The following RAB23 variants were observed in gnomAD, a reference collection of about 807,000 sequenced individuals.
The protein encoded by RAB23 is RAB23, member RAS oncogene family.
Under a neutral mutation model 30.0 loss-of-function variants are expected in RAB23, and 15 were observed. The observed-to-expected ratio is 0.50, with a 90% CI of 0.33 to 0.77. RAB23 has a LOEUF of 0.77. RAB23 is among the 30% of genes least tolerant of loss of function. RAB23 has a pLI of 0.02. For synonymous variants in RAB23, 93 were observed against 94.0 expected, an observed-to-expected ratio of 0.99 and a Z score of 0.06; for missense variants, 243 against 275.4, an observed-to-expected ratio of 0.88 and a Z score of 0.83.
intron 5 of RAB23, among the ~76,000 whole-genome samples, 197 bp from the exon 6 acceptor site, chr6:57,194,131 T>C (rs1414565719): frequency 6.6e-6 from 1 of 152,126 alleles, no homozygotes; most frequent in Non-Finnish European, 1.5e-5. Flanking sequence ...AACAAATGTA[T>C]AATGGTATTT....
intron 3 of RAB23, 94 bp downstream of exon 3, chr6:57,207,534 G>A: frequency 1.2e-6 from 1 of 817,850 alleles, no homozygotes; most frequent in Admixed American, 2.0e-5. Flanking sequence ...TTCTTCAAGA[G>A]AAGCCCTTAT....
intron 3 of RAB23, among the ~76,000 whole-genome samples, chr6:57,201,732 G>A (rs954962796): frequency 3.3e-5 from 5 of 152,098 alleles, no homozygotes; most frequent in African/African-American, 1.2e-4. Flanking sequence ...AAAAAGAGTA[G>A]AAGGAAAAAG....
Position 57,196,370 on chromosome 6 carries a change from CCT to C in RAB23, c.398+78_398+79del. The C allele has an allele frequency of 5.2e-6, 8 of 1,527,762 alleles. No homozygotes were observed. The South Asian group carries it at 9.1e-5, about 17-fold the overall frequency. The allele number at this position is 1,527,762 out of a possible 1,614,324, so 94.6% of individuals were successfully genotyped here. A position where few individuals can be genotyped will look rare whatever the true frequency, so the allele number is the denominator to read the frequency against. On this transcript the variant is annotated intron_variant, in intron 4 of 6. Coordinates refer to ENST00000468148, the MANE Select transcript of RAB23 (RefSeq NM_016277.5). ...TGAAAGTATAGAATTTTTCCTAGAA[CCT>C]GTAAAACTATGCAAAAATTAAGATG... is the stretch of plus-strand genomic sequence containing the variant.
chr6:57,218,558 A>C (rs1765932331), intron 1 of RAB23, among the ~76,000 whole-genome samples: 1 of 152,124 alleles, frequency 6.6e-6, no homozygotes, highest in African/African-American at 2.4e-5. Flanking sequence ...AACCTGGTAA[A>C]AGGCATCTAT....
chr6:57,197,889 C>G (rs1364610357), intron 3 of RAB23, among the ~76,000 whole-genome samples: 1 of 152,140 alleles, frequency 6.6e-6, no homozygotes, highest in African/African-American at 2.4e-5. Context: ...ACAGGAGGAG[C>G]CTGCCATCAT....
rs528844604 is a variant in RAB23, at chr6:57,188,551, G to GTAT, written c.*1907_*1909dup. On this transcript the variant is annotated 3_prime_UTR_variant, in exon 7 of 7. Coordinates refer to ENST00000468148, the MANE Select transcript of RAB23 (RefSeq NM_016277.5). The stretch of plus-strand genomic sequence containing the variant: ...AAGACAAAAGACTATTTGTTGCAAA[G>GTAT]TATTATTTTGTGCAAAAATTAAAGA... 6 of 152,200 alleles carry GTAT rather than the reference G, an allele frequency of 3.9e-5. No homozygotes were observed. The East Asian group carries it at 9.6e-4, about 24-fold the overall frequency. The allele number at this position is 152,200 out of a possible 1,614,324, so 9.4% of individuals were successfully genotyped here. A position where few individuals can be genotyped will look rare whatever the true frequency, so the allele number is the denominator to read the frequency against.
chr6:57,187,380 A>G lies in RAB23; in HGVS notation c.*3081T>C, dbSNP rs1764641486. ...GTTAGCAAATGAATTCATCTGTATG[A>G]TGAGAGACTTACATGTTTTATAGCT... On this transcript the variant is annotated 3_prime_UTR_variant, in exon 7 of 7. Transcript: ENST00000468148. The G allele has an allele frequency of 6.6e-6, 1 of 152,172 alleles. No homozygotes were observed. Among genetic ancestry groups the G allele is most frequent in the African/African-American group, 2.4e-5 (1 of 41,450 alleles). The allele number at this position is 152,172 out of a possible 1,614,324, so 9.4% of individuals were successfully genotyped here.
At chr6:57,209,967 C>G (rs1254393719) in intron 2 of RAB23, among the ~76,000 whole-genome samples, 2 of 133,510 alleles carry the variant, frequency 1.5e-5, no homozygotes, top group Non-Finnish European at 3.2e-5. Flanking sequence ...AAGGTGTCAC[C>G]AATAAATATA....
chr6:57,206,717 A>G (rs1407867391), intron 3 of RAB23, among the ~76,000 whole-genome samples: 3 of 152,230 alleles, frequency 2.0e-5, no homozygotes, highest in Non-Finnish European at 2.9e-5. Context: ...GTGAGTATGC[A>G]GGGATATGGG....
intron 3 of RAB23, among the ~76,000 whole-genome samples, chr6:57,204,313 A>T (rs1429396959): frequency 6.6e-6 from 1 of 152,172 alleles, no homozygotes; most frequent in Non-Finnish European, 1.5e-5. Context: ...ACTGCTATTC[A>T]ATATATCTAT....
rs1442252169 is a variant in RAB23 at position 57,221,773 on chromosome 6, C to CTA, written c.-114_-113insTA. ...CCGGGCTGGCGCTGCCGCCCACCTT[C>CTA]TCTAGCTGGAACTTGGGATCGGTGC... On this transcript the variant is annotated 5_prime_UTR_variant, in exon 1 of 7. Transcript: ENST00000468148. 7.2e-5 allele frequency: 11 copies of CTA among 152,394 alleles called. No individual in the cohort carries two copies. The highest frequency in any genetic ancestry group is 2.6e-4 in the African/African-American group (11 of 41,566). 9.4% of individuals were successfully genotyped at this position (152,394 alleles called of 1,614,324 possible). A position where few individuals can be genotyped will look rare whatever the true frequency, so the allele number is the denominator to read the frequency against.
At chr6:57,220,339 A>G (rs1243510507) in intron 1 of RAB23, among the ~76,000 whole-genome samples, 2 of 152,232 alleles carry the variant, frequency 1.3e-5, no homozygotes, top group African/African-American at 2.4e-5. Context: ...TCCAGAAAAC[A>G]GTTTAACAGT....
At chr6:57,213,490 C>T (rs1195935846) in intron 1 of RAB23, among the ~76,000 whole-genome samples, 3 of 152,142 alleles carry the variant, frequency 2.0e-5, no homozygotes, top group African/African-American at 7.2e-5. Context: ...CCTTTCTCTA[C>T]CTAAACAATT....
At chr6:57,218,280 T>C (rs1212049794) in intron 1 of RAB23, among the ~76,000 whole-genome samples, 6 of 152,184 alleles carry the variant, frequency 3.9e-5, no homozygotes, top group Non-Finnish European at 8.8e-5. Context: ...GACAAACTCT[T>C]CTGAACAAAG....
intron 1 of RAB23, among the ~76,000 whole-genome samples, chr6:57,214,622 G>A (rs1259444453): frequency 6.6e-6 from 1 of 152,140 alleles, no homozygotes; most frequent in Admixed American, 6.5e-5. Context: ...TTCAATGGAA[G>A]ACAAGCAGGA....
At chr6:57,216,419 A>G (rs926130007) in intron 1 of RAB23, among the ~76,000 whole-genome samples, 11 of 152,246 alleles carry the variant, frequency 7.2e-5, no homozygotes, top group Non-Finnish European at 1.0e-4. Flanking sequence ...AATTTAATTG[A>G]TATTTATAGA....
Position 57,188,728 on chromosome 6 carries a change from A to G in RAB23, c.*1733T>C, listed in dbSNP as rs1764712185. ...CTGGTGACATAAAAATAAGCATTTT[A>G]CATTACTGTGAAATAGATAATGCCA... On this transcript the variant is annotated 3_prime_UTR_variant, in exon 7 of 7. Coordinates refer to ENST00000468148, the MANE Select transcript of RAB23 (RefSeq NM_016277.5). The G allele has an allele frequency of 6.6e-6, 1 of 152,246 alleles. No individual in the cohort carries two copies. Among genetic ancestry groups the G allele is most frequent in the African/African-American group, 2.4e-5 (1 of 41,472 alleles). The allele number at this position is 152,246 out of a possible 1,614,324, so 9.4% of individuals were successfully genotyped here. A position where few individuals can be genotyped will look rare whatever the true frequency, so the allele number is the denominator to read the frequency against.
intron 1 of RAB23, among the ~76,000 whole-genome samples, chr6:57,218,078 G>A (rs558471613): frequency 4.1e-4 from 62 of 152,314 alleles, no homozygotes; most frequent in South Asian, 2.5e-3. Flanking sequence ...AATTGAATTT[G>A]TAATGTAAAA....
At position 57,210,456 on chromosome 6, in the gene RAB23, A is replaced by C. The variant is rs1228121671; in HGVS notation, c.-65-11T>G. On this transcript the variant is annotated splice_polypyrimidine_tract_variant and intron_variant, in intron 1 of 6. Transcript: ENST00000468148. The stretch of plus-strand genomic sequence containing the variant: ...TCTTCCCTCTCAAATCTGTGGTTTA[A>C]AATGAAATTATTTTTTCATAACACA... 1.1e-5 allele frequency: 16 copies of C among 1,450,164 alleles called. No homozygotes were observed. Among genetic ancestry groups the C allele is most frequent in the Non-Finnish European group, 1.4e-5 (15 of 1,037,502 alleles). 89.8% of individuals were successfully genotyped at this position (1,450,164 alleles called of 1,614,324 possible). A position where few individuals can be genotyped will look rare whatever the true frequency, so the allele number is the denominator to read the frequency against.
Sources: gnomAD v4.1 joint callset for allele counts (sites outside exome capture counted in the v4.1 genomes callset) on GRCh38, gnomAD v4.1.1 for gene constraint, MANE v1.5 for transcripts, NCBI Gene and HGNC (gene_info 2026-07-23, HGNC 2026-07-21) for gene names.